The following PARVB variants were observed in gnomAD, a reference collection of about 807,000 sequenced individuals.
The protein encoded by PARVB is beta-parvin.
Under a neutral mutation model 47.0 loss-of-function variants are expected in PARVB, and 46 were observed. The ratio of observed to expected loss-of-function variants is 0.98; its 90% CI spans 0.77 to 1.25. The LOEUF is 1.25. Among genes scored for constraint, PARVB ranks in the 50% most tolerant of loss-of-function variants. The probability of loss-of-function intolerance (pLI) is 0.00; values close to 1 mark genes in which losing one functional copy is unlikely to be tolerated. For synonymous variants in PARVB, 196 were observed against 196.3 expected, an observed-to-expected ratio of 1.00 and a Z score of 0.01; for missense variants, 473 against 471.6, an observed-to-expected ratio of 1.00 and a Z score of -0.03.
rs1238586036 is a variant in PARVB, at chr22:44,034,658, AG to A, written c.112+10212del. ...AATAGAATTGACCCTTGAACAGCAC[AG>A]GGGGAAAGAGGCACTGACCCCCATG... On this transcript the variant is annotated intron_variant, in intron 1 of 12. Transcript: ENST00000338758. 3.2e-5 allele frequency among the ~76,000 whole-genome samples: 4 copies of A among 124,172 alleles called. No individual in the cohort carries two copies. In the Middle Eastern group the frequency reaches 0.012, roughly 382 times the overall value. 81.5% of individuals were successfully genotyped at this position (124,172 alleles called of 152,430 possible). A position where few individuals can be genotyped will look rare whatever the true frequency, so the allele number is the denominator to read the frequency against.
chr22:44,107,130 A>C (rs888872545), intron 3 of PARVB: 1 of 152,250 alleles, frequency 6.6e-6, no homozygotes, highest in Non-Finnish European at 1.5e-5. Flanking sequence ...CAGATGGGCA[A>C]TGCCAGTTTG....
chr22:44,132,995 G>T lies in PARVB; in HGVS notation c.619G>T (p.Val207Leu). The T allele has an allele frequency of 6.2e-7, 1 of 1,613,448 alleles. No homozygotes were observed. The highest frequency in any genetic ancestry group is 8.5e-7 in the Non-Finnish European group (1 of 1,179,600). ...CCTTCCTGAGCATGTAACGGTGCAG[G>T]TGGTGGTCGTGCGGGTGAGTATAAC... ...IRLPEHVTVQ[V>L]VVVRKREGLL... The change falls in exon 6 of 13, where the codon GTG becomes TTG. Residue 207 changes from valine to leucine, a missense_variant. Val to Leu is a conservative substitution (Grantham distance 32). Transcript: ENST00000338758.
chr22:44,029,871 C>G (rs2050793507), intron 1 of PARVB, among the ~76,000 whole-genome samples: 1 of 151,814 alleles, frequency 6.6e-6, no homozygotes, highest in African/African-American at 2.4e-5. Flanking sequence ...GATCGCGCCA[C>G]TGCACTCCAG....
intron 1 of PARVB, among the ~76,000 whole-genome samples, chr22:44,026,685 A>G (rs144507251): frequency 1.3e-5 from 2 of 152,186 alleles, no homozygotes; most frequent in East Asian, 1.9e-4. Context: ...GTTGCCTACC[A>G]GGGAGTGACA....
intron 1 of PARVB, among the ~76,000 whole-genome samples, chr22:44,077,554 C>G (rs2051804784): frequency 6.6e-6 from 1 of 152,196 alleles, no homozygotes; most frequent in African/African-American, 2.4e-5. Flanking sequence ...CTATCTTCTT[C>G]CAGACCGCCA....
rs1408015742 is a variant in PARVB at position 44,089,317 on chromosome 22, G to A, written c.113-4611G>A. ...ACACTTAGGAAAACAAGCACAAGGC[G>A]GTCTTTTTCCCTTAATCACCCATCT... On this transcript the variant is annotated intron_variant, in intron 1 of 12. Coordinates refer to ENST00000338758, the MANE Select transcript of PARVB (RefSeq NM_013327.5). The surrounding 1 kb of genome is among the most constrained non-coding windows in gnomAD (Gnocchi z 4.0). The A allele has an allele frequency of 3.3e-5, 5 of 152,210 alleles. No homozygotes were observed. The highest frequency in any genetic ancestry group is 1.2e-4 in the African/African-American group (5 of 41,432). 9.4% of individuals were successfully genotyped at this position (152,210 alleles called of 1,614,324 possible).
In PARVB at chr22:44,048,258, A is replaced by C. The variant is rs142555926; in HGVS notation, c.112+23807A>C. ...AAGCACTTGTCTCGTTGAGCAAATC[A>C]TTCAACTTTGTTATTTCTGTAATTG... is the stretch of plus-strand genomic sequence containing the variant. On this transcript the variant is annotated intron_variant, in intron 1 of 12. Transcript: ENST00000338758. Among the ~76,000 whole-genome samples, 32 of 152,324 alleles carry C rather than the reference A, an allele frequency of 2.1e-4. No homozygotes were observed. In the East Asian group the frequency reaches 6.0e-3, roughly 28 times the overall value.
At chr22:44,150,335 G>C (rs1259930321) in intron 9 of PARVB, 1 of 151,832 alleles carries the variant, frequency 6.6e-6, no homozygotes, top group Non-Finnish European at 1.5e-5. Context: ...TACATAATAG[G>C]GCTCAGAGAG....
At chr22:44,057,108 C>T (rs1349109425) in intron 1 of PARVB, among the ~76,000 whole-genome samples, 2 of 150,686 alleles carry the variant, frequency 1.3e-5, no homozygotes, top group Admixed American at 6.6e-5. Context: ...TTTTGTCCTG[C>T]GTGTCTCAAC....
intron 1 of PARVB, among the ~76,000 whole-genome samples, chr22:44,025,294 G>A (rs543295517): frequency 6.6e-6 from 1 of 152,176 alleles, no homozygotes; most frequent in Admixed American, 6.5e-5. Context: ...AACCACCTGG[G>A]CCTGACATAT....
At chr22:44,133,152 C>T (rs1158964159) in intron 6 of PARVB, 143 bp downstream of exon 6, 3 of 559,056 alleles carry the variant, frequency 5.4e-6, no homozygotes, top group Non-Finnish European at 9.5e-6. Flanking sequence ...ATGTGTGTCT[C>T]ACCCTGGCTC....
Position 44,139,902 on chromosome 22 carries a change from C to T in PARVB, c.693-222C>T, listed in dbSNP as rs148568059. On this transcript the variant is annotated intron_variant, in intron 7 of 12. Coordinates refer to ENST00000338758, the MANE Select transcript of PARVB (RefSeq NM_013327.5). ...AATAGAGATGGTGATTTGCTGCTGA[C>T]CTTGTGCAAACATTAATAATTCACA... 4.4e-4 allele frequency: 256 copies of T among 576,616 alleles called. 1 individual carries two copies. The East Asian group carries it at 7.1e-3, about 16-fold the overall frequency. The allele number at this position is 576,616 out of a possible 1,614,324, so 35.7% of individuals were successfully genotyped here. A position where few individuals can be genotyped will look rare whatever the true frequency, so the allele number is the denominator to read the frequency against.
At chr22:44,156,341 G>A (rs370410160) in intron 10 of PARVB, among the ~76,000 whole-genome samples, 65 of 147,484 alleles carry the variant, frequency 4.4e-4, no homozygotes, top group African/African-American at 1.5e-3. Flanking sequence ...GTACAGTGGC[G>A]CGATCGCGGC....
chr22:44,087,569 C>G (rs1047353606), intron 1 of PARVB, among the ~76,000 whole-genome samples: 1 of 152,258 alleles, frequency 6.6e-6, no homozygotes, highest in Non-Finnish European at 1.5e-5. Context: ...GTTAAGGTAA[C>G]CTTGTTCTTT....
At chr22:44,000,560 G>C (rs950105473) in intron 2 of PARVB, among the ~76,000 whole-genome samples, 2 of 152,218 alleles carry the variant, frequency 1.3e-5, no homozygotes, top group African/African-American at 4.8e-5. Flanking sequence ...TTCAAAACCA[G>C]AGGGATTCTT....
upstream of PARVB, among the ~76,000 whole-genome samples, chr22:44,020,956 T>C (rs182461706): frequency 9.9e-4 from 151 of 152,226 alleles, no homozygotes; most frequent in African/African-American, 3.5e-3. Context: ...AATTTTTGTA[T>C]TTTTAGTAGT....
At chr22:44,118,995 T>C in intron 3 of PARVB, 43 bp from the exon 4 acceptor site, 1 of 1,349,370 alleles carries the variant, frequency 7.4e-7, no homozygotes, top group Non-Finnish European at 1.1e-6. Flanking sequence ...CTCATTGCCG[T>C]GGCGCTGGTG....
At chr22:44,022,691 A>G (rs1345616732), upstream of PARVB, among the ~76,000 whole-genome samples, 1 of 151,920 alleles carries the variant, frequency 6.6e-6, no homozygotes, top group Admixed American at 6.6e-5. Flanking sequence ...GTGATCCACC[A>G]TGGCCTGGCA....
At chr22:44,123,891 G>A (rs997033734) in intron 4 of PARVB, among the ~76,000 whole-genome samples, 2 of 152,246 alleles carry the variant, frequency 1.3e-5, no homozygotes, top group African/African-American at 2.4e-5. Context: ...CTGAAATTAC[G>A]TGGATGGAGC....
Sources: allele counts gnomAD v4.1 joint callset (sites outside exome capture counted in the v4.1 genomes callset), GRCh38; gene constraint gnomAD v4.1.1; non-coding constraint Gnocchi (gnomAD v3.1); transcripts MANE v1.5; gene names NCBI Gene and HGNC (gene_info 2026-07-23, HGNC 2026-07-21).